The following CTBP2 variants were observed in gnomAD, a reference collection of about 807,000 sequenced individuals.
The protein encoded by CTBP2 is C-terminal binding protein 2.
Under a neutral mutation model 80.3 loss-of-function variants are expected in CTBP2, and 30 were observed. That is an observed-to-expected ratio of 0.37 (90% CI 0.28 to 0.51). CTBP2 has a LOEUF of 0.51. Among genes scored for constraint, CTBP2 ranks in the 20% least tolerant of loss-of-function variants. The pLI, the probability that CTBP2 is intolerant of heterozygous loss-of-function variation, is 0.93. For synonymous variants in CTBP2, 594 were observed against 587.4 expected (o/e 1.01, Z -0.16); for missense variants, 1,212 against 1,375.3 (o/e 0.88, Z 1.88).
chr10:125,079,149 GGA>G (rs1491395451), intron 2 of CTBP2, among the ~76,000 whole-genome samples: 15 of 55,608 alleles, frequency 2.7e-4, no homozygotes, highest in African/African-American at 1.5e-3. Flanking sequence ...CTTGTCTCGA[GGA>G]AAAAAAAAAA....
In CTBP2 at chr10:125,028,038, G is replaced by GCCTGCCAGGTCCCCCTT; in HGVS notation, c.-296_-280dup. ...AGTCCCGGAGAGGAGGCTGTCCCCA[G>GCCTGCCAGGTCCCCCTT]CCTGCCAGGTCCCCCTTCCTGGCTG... On this transcript the variant is annotated 5_prime_UTR_variant, in exon 1 of 9. Coordinates refer to ENST00000309035, the MANE Select transcript of CTBP2 (RefSeq NM_022802.3). 2 of 695,780 alleles carry GCCTGCCAGGTCCCCCTT rather than the reference G, an allele frequency of 2.9e-6. No individual in the cohort carries two copies. The highest frequency in any genetic ancestry group is 4.0e-6 in the Non-Finnish European group (2 of 504,540). 43.1% of individuals were successfully genotyped at this position (695,780 alleles called of 1,614,324 possible).
At chr10:125,136,209 C>T (rs772659989) in intron 1 of CTBP2, among the ~76,000 whole-genome samples, 1 of 152,106 alleles carries the variant, frequency 6.6e-6, no homozygotes, top group Non-Finnish European at 1.5e-5. Context: ...GGGCGGCCTC[C>T]TAGGGGAGGG....
chr10:125,121,393 C>T (rs1018570737), intron 1 of CTBP2, among the ~76,000 whole-genome samples: 2 of 152,212 alleles, frequency 1.3e-5, no homozygotes, highest in Non-Finnish European at 2.9e-5. Flanking sequence ...CTGAAGGAAA[C>T]CGGGTTCTAT....
chr10:125,108,823 C>T (rs1458548321), intron 2 of CTBP2, among the ~76,000 whole-genome samples: 1 of 152,222 alleles, frequency 6.6e-6, no homozygotes, highest in Admixed American at 6.5e-5. Flanking sequence ...CAGTGATGGC[C>T]AGCTCCAGTA....
chr10:125,139,263 T>C (rs1417772691), intron 1 of CTBP2, among the ~76,000 whole-genome samples: 2 of 149,530 alleles, frequency 1.3e-5, no homozygotes, highest in East Asian at 3.9e-4. Flanking sequence ...CCCAGCTACA[T>C]GGGAGGTTGA....
chr10:125,011,789 T>C (rs1490154142), intron 1 of CTBP2, among the ~76,000 whole-genome samples: 2 of 152,196 alleles, frequency 1.3e-5, no homozygotes, highest in Non-Finnish European at 2.9e-5. Flanking sequence ...CGGTTTGTAA[T>C]GGAGTTTAAA....
intron 1 of CTBP2, among the ~76,000 whole-genome samples, chr10:125,141,783 ATACACAGCAAGCACACAGCAAG>A (rs1254190623): frequency 3.4e-4 from 52 of 152,238 alleles, no homozygotes; most frequent in African/African-American, 1.1e-3. Context: ...CACACAGTAA[ATACACAGCAAGCACACAGCAAG>A]TACACAGTGA....
At chr10:125,073,018 C>A (rs947863337) in intron 2 of CTBP2, among the ~76,000 whole-genome samples, 2 of 152,214 alleles carry the variant, frequency 1.3e-5, no homozygotes, top group African/African-American at 4.8e-5. Context: ...GAGATCCCAC[C>A]TCCAGAGCCC....
intron 2 of CTBP2, among the ~76,000 whole-genome samples, chr10:125,074,662 A>G (rs1038037469): frequency 1.3e-5 from 2 of 152,210 alleles, no homozygotes; most frequent in Non-Finnish European, 2.9e-5. Flanking sequence ...TCCTTTTCAC[A>G]TTGAAGTAAG....
chr10:125,114,328 G>A (rs908453084), intron 1 of CTBP2, among the ~76,000 whole-genome samples: 3 of 151,946 alleles, frequency 2.0e-5, no homozygotes, highest in Admixed American at 6.5e-5. Context: ...TAAACATCCC[G>A]CGGCAAATGT....
Position 124,989,407 on chromosome 10 carries a change from T to C in CTBP2, c.*111A>G, listed in dbSNP as rs1163221615. 8.6e-7 allele frequency: 1 copy of C among 1,161,834 alleles called. No homozygotes were observed. The highest frequency in any genetic ancestry group is 1.3e-6 in the Non-Finnish European group (1 of 773,180). The allele number at this position is 1,161,834 out of a possible 1,614,324, so 72.0% of individuals were successfully genotyped here. A position where few individuals can be genotyped will look rare whatever the true frequency, so the allele number is the denominator to read the frequency against. The stretch of plus-strand genomic sequence containing the variant: ...AACACTGCAACATCAATGATGCATA[T>C]GTCCAGAATCAGTTACAAAGACCAT... On this transcript the variant is annotated 3_prime_UTR_variant, in exon 9 of 9. Transcript: ENST00000309035.
At position 125,026,565 on chromosome 10, in the gene CTBP2, C is replaced by A. The variant is rs369813564; in HGVS notation, c.1195G>T (p.Ala399Ser). ...GAGGGACGGCGAGCCGGGTCTCCAG[C>A]TCGGGGGGATGCTGTCTGCAGAGGA... The change falls in exon 1 of 9, where the codon GCT becomes TCT. Residue 399 changes from alanine (A) to serine (S), a missense_variant. This residue lies in a region of CTBP2 where 848 missense variants were observed against 782.3 expected (regional missense o/e 1.08). Coordinates refer to ENST00000309035, the MANE Select transcript of CTBP2 (RefSeq NM_022802.3). 6.5e-7 allele frequency: 1 copy of A among 1,544,574 alleles called. No individual in the cohort carries two copies. The highest frequency in any genetic ancestry group is 1.5e-5 in the African/African-American group (1 of 68,930).
intron 2 of CTBP2, among the ~76,000 whole-genome samples, chr10:125,083,905 G>A (rs1266060578): frequency 6.6e-6 from 1 of 152,118 alleles, no homozygotes. Context: ...TCAGCTTCCC[G>A]AGTAGCTGGG....
chr10:125,013,181 T>C (rs1956118054), intron 1 of CTBP2, among the ~76,000 whole-genome samples: 1 of 152,158 alleles, frequency 6.6e-6, no homozygotes, highest in Admixed American at 6.5e-5. Flanking sequence ...CTGGAGCCTG[T>C]TGGAAAGACC....
intron 3 of CTBP2, among the ~76,000 whole-genome samples, chr10:125,033,241 T>A (rs1016501002): frequency 1.3e-5 from 2 of 152,172 alleles, no homozygotes; most frequent in African/African-American, 4.8e-5. Context: ...ACACCCAGAA[T>A]GCTCTCCCCT....
rs1213689412 is a variant in CTBP2, at chr10:124,993,216, C to T, written c.2645G>A (p.Arg882His). The change falls in exon 7 of 9, where the codon CGC (arginine) becomes CAC (histidine). Residue 882 changes from arginine (R) to histidine (H), a missense_variant. Around this residue, in one of 3 missense-constraint regions of CTBP2, gnomAD observed 335 missense variants for 504.7 expected, o/e 0.66. Transcript: ENST00000309035. ...GAGGGGCTCACCTGTGATGGCTCGG[C>T]GGATCTCGGTGGCAGCTGCCTCCCT... 1.9e-6 allele frequency: 3 copies of T among 1,597,772 alleles called. No homozygotes were observed. Among genetic ancestry groups the T allele is most frequent in the Non-Finnish European group, 2.6e-6 (3 of 1,168,018 alleles).
At chr10:125,100,503 A>T (rs1259731908) in intron 2 of CTBP2, 1 of 152,228 alleles carries the variant, frequency 6.6e-6, no homozygotes, top group Non-Finnish European at 1.5e-5. Context: ...CACGTACACA[A>T]ATCAAAGGAA....
chr10:124,998,305 G>A (rs373126313), intron 3 of CTBP2, 135 bp from the exon 6 acceptor site: 190 of 992,998 alleles, frequency 1.9e-4, no homozygotes, highest in African/African-American at 4.5e-4. Flanking sequence ...TAGCAGACGC[G>A]GGGCTGGGCA....
chr10:124,989,707 C>A lies in CTBP2; in HGVS notation c.2778-9G>T. 1 of 1,560,164 alleles carries A rather than the reference C, an allele frequency of 6.4e-7. No individual in the cohort carries two copies. The highest frequency in any genetic ancestry group is 8.7e-7 in the Non-Finnish European group (1 of 1,153,406). On this transcript the variant is annotated splice_polypyrimidine_tract_variant and intron_variant, in intron 8 of 8. Coordinates refer to ENST00000309035, the MANE Select transcript of CTBP2 (RefSeq NM_022802.3). ...CGATGCCTGGCGGATATCTAAGGAA[C>A]ACACAGAAATAGGGCCTTGTAAGTT...
Sources: allele counts gnomAD v4.1 joint callset (sites outside exome capture counted in the v4.1 genomes callset), GRCh38; gene constraint gnomAD v4.1.1; regional missense constraint gnomAD v4.1.1; transcripts MANE v1.5; gene names NCBI Gene and HGNC (gene_info 2026-07-23, HGNC 2026-07-21).